The following KDM7A variants were observed in gnomAD, a reference collection of about 807,000 sequenced individuals.
KDM7A encodes lysine demethylase 7A.
In KDM7A, 28 loss-of-function variants were observed where a neutral mutation model predicts 114.8. The observed-to-expected ratio is 0.24, with a 90% CI of 0.18 to 0.33. The LOEUF (loss-of-function observed/expected upper bound fraction) is 0.33, where lower values mean the gene tolerates loss of function less well. KDM7A is among the 10% of genes least tolerant of loss of function. The pLI is 1.00. For missense variants in KDM7A, 942 were observed against 1,142.5 expected, an observed-to-expected ratio of 0.82 and a Z score of 2.53; for synonymous variants, 423 against 397.8, an observed-to-expected ratio of 1.06 and a Z score of -0.75.
intron 1 of KDM7A, among the ~76,000 whole-genome samples, chr7:140,152,935 C>T (rs1445191032): frequency 6.6e-6 from 1 of 151,968 alleles, no homozygotes; most frequent in Non-Finnish European, 1.5e-5. Flanking sequence ...TCTCAGCTCA[C>T]TGCAACCTCT....
chr7:140,114,680 G>C (rs537622481), intron 9 of KDM7A, among the ~76,000 whole-genome samples: 1 of 151,750 alleles, frequency 6.6e-6, no homozygotes, highest in South Asian at 2.1e-4. Flanking sequence ...TCTGGGGAGT[G>C]AGAAGCGCCT....
At chr7:140,155,194 A>G (rs1419140870) in intron 1 of KDM7A, among the ~76,000 whole-genome samples, 2 of 152,224 alleles carry the variant, frequency 1.3e-5, no homozygotes, top group Admixed American at 1.3e-4. Context: ...AAGTATTTGT[A>G]AGGCACTTTC....
intron 9 of KDM7A, among the ~76,000 whole-genome samples, chr7:140,114,711 C>A (rs1818490224): frequency 6.6e-6 from 1 of 151,930 alleles, no homozygotes; most frequent in Admixed American, 6.6e-5. Context: ...GCCATCCCGT[C>A]TAGGAAGTGA....
chr7:140,103,456 T>TCCCCCCCCCCCCCCCCCCCCCCCCCCCAC (rs36126233), intron 11 of KDM7A, among the ~76,000 whole-genome samples: 1 of 147,604 alleles, frequency 6.8e-6, no homozygotes, highest in Non-Finnish European at 1.5e-5. Context: ...ATGTTATCCC[T>TCCCCCCCCCCCCCCCCCCCCCCCCCCCAC]CCCCCCCCCT....
At chr7:140,173,379 A>G (rs765172740) in intron 1 of KDM7A, among the ~76,000 whole-genome samples, 5 of 152,190 alleles carry the variant, frequency 3.3e-5, no homozygotes, top group Non-Finnish European at 5.9e-5. Context: ...CAGACCTGGA[A>G]GACGCTGGTT....
Position 140,119,237 on chromosome 7 carries a change from A to C in KDM7A, c.1140-18T>G, listed in dbSNP as rs984242685. On this transcript the variant is annotated intron_variant, in intron 8 of 19. Transcript: ENST00000397560. ...CATAACACCTAAATGAGTTTGAAGA[A>C]ATTTTTAATATTAATATTAGAATTT... 2 of 1,325,898 alleles carry C rather than the reference A, an allele frequency of 1.5e-6. No individual in the cohort carries two copies. The highest frequency in any genetic ancestry group is 2.1e-6 in the Non-Finnish European group (2 of 951,434). The allele number at this position is 1,325,898 out of a possible 1,614,324, so 82.1% of individuals were successfully genotyped here.
chr7:140,158,576 A>G (rs1314808064), intron 1 of KDM7A, among the ~76,000 whole-genome samples: 1 of 152,220 alleles, frequency 6.6e-6, no homozygotes, highest in African/African-American at 2.4e-5. Context: ...CCTACTATTC[A>G]TCCAAGTGGA....
At chr7:140,138,985 A>C in intron 2 of KDM7A, 120 bp downstream of exon 2, 1 of 587,138 alleles carries the variant, frequency 1.7e-6, no homozygotes, top group Non-Finnish European at 3.0e-6. Context: ...CTTTCCCTAC[A>C]GTTCTTGAAG....
intron 15 of KDM7A, 67 bp from the exon 16 acceptor site, chr7:140,097,114 G>A (rs534688047): frequency 8.3e-7 from 1 of 1,208,078 alleles, no homozygotes; most frequent in East Asian, 2.4e-5. Context: ...AAATGAATCC[G>A]AAAAGATTTT....
chr7:140,116,826 C>T (rs140268802), intron 9 of KDM7A, among the ~76,000 whole-genome samples: 4 of 152,278 alleles, frequency 2.6e-5, no homozygotes, highest in Admixed American at 6.5e-5. Flanking sequence ...CAAAGGATTT[C>T]GCTTCTGCAC....
chr7:140,142,061 TAA>T (rs200285425), intron 1 of KDM7A, among the ~76,000 whole-genome samples: 2,773 of 147,628 alleles, frequency 0.019, 70 homozygotes, highest in African/African-American at 0.065. Flanking sequence ...CATATATATA[TAA>T]AAGATATTTA....
At chr7:140,095,032 G>A (rs564321890) in intron 17 of KDM7A, among the ~76,000 whole-genome samples, 1 of 152,290 alleles carries the variant, frequency 6.6e-6, no homozygotes, top group East Asian at 1.9e-4. Context: ...ATTTTTACTA[G>A]AGATGGGGTT....
At chr7:140,138,844 T>C (rs1818909741) in intron 2 of KDM7A, among the ~76,000 whole-genome samples, 1 of 152,214 alleles carries the variant, frequency 6.6e-6, no homozygotes, top group Admixed American at 6.5e-5. Flanking sequence ...ACTTCTCAAA[T>C]TGAAAGATAT....
In KDM7A at chr7:140,139,603, A is replaced by G. The variant is rs115088684; in HGVS notation, c.195-413T>C. Among the ~76,000 whole-genome samples the G allele has an allele frequency of 8.5e-3, 1,288 of 152,316 alleles. 13 individuals are homozygous for G. Among genetic ancestry groups the G allele is most frequent in the African/African-American group, 0.03 (1,243 of 41,572 alleles). On this transcript the variant is annotated intron_variant, in intron 1 of 19. Transcript: ENST00000397560. ...TGTAAACAGAAACATATAGCTTTAA[A>G]TGCATCTGCTAGAAAAAAAGAGGCT...
At chr7:140,119,725 G>A (rs1361980896) in intron 8 of KDM7A, among the ~76,000 whole-genome samples, 1 of 152,136 alleles carries the variant, frequency 6.6e-6, no homozygotes, top group East Asian at 1.9e-4. Flanking sequence ...GCTGTTTAAG[G>A]CTGCTTAAAG....
chr7:140,144,157 T>A (rs907640478), intron 1 of KDM7A, among the ~76,000 whole-genome samples: 1 of 152,178 alleles, frequency 6.6e-6, no homozygotes, highest in African/African-American at 2.4e-5. Context: ...GGTACTGGCA[T>A]AAGGATAGAC....
At chr7:140,165,160 G>A (rs988573334) in intron 1 of KDM7A, among the ~76,000 whole-genome samples, 7 of 152,098 alleles carry the variant, frequency 4.6e-5, no homozygotes, top group African/African-American at 1.7e-4. Flanking sequence ...TGCTGCTTTG[G>A]GGAAATGCCT....
rs749431871 is a variant in KDM7A, at chr7:140,097,074, A to G, written c.2017-27T>C. 6 of 1,581,250 alleles carry G rather than the reference A, an allele frequency of 3.8e-6. No individual in the cohort carries two copies. The South Asian group carries it at 5.6e-5, about 15-fold the overall frequency. ...TGAGATGATAATTACATGGAAACAA[A>G]GCTACATAAGAAATTGACCAAGTCT... On this transcript the variant is annotated intron_variant, in intron 15 of 19. Coordinates refer to ENST00000397560, the MANE Select transcript of KDM7A (RefSeq NM_030647.2).
At chr7:140,117,586 T>C (rs1818552698) in intron 9 of KDM7A, among the ~76,000 whole-genome samples, 1 of 152,170 alleles carries the variant, frequency 6.6e-6, no homozygotes, top group African/African-American at 2.4e-5. Context: ...AGTATAGAGT[T>C]GTCAATCTCT....
Sources: gnomAD v4.1 joint callset for allele counts (sites outside exome capture counted in the v4.1 genomes callset) on GRCh38, gnomAD v4.1.1 for gene constraint, MANE v1.5 for transcripts, NCBI Gene and HGNC (gene_info 2026-07-23, HGNC 2026-07-21) for gene names.